The following ADGRL3 variants were observed in gnomAD, a reference collection of about 807,000 sequenced individuals.
The protein encoded by ADGRL3 is calcium-independent alpha-latrotoxin receptor 3.
ADGRL3 carries 62 observed loss-of-function variants against 153.5 expected under a neutral mutation model. The observed-to-expected ratio is 0.40, with a 90% CI of 0.33 to 0.50. ADGRL3 has a LOEUF of 0.50. Ranked by LOEUF, ADGRL3 falls within the 20% of genes least tolerant of loss-of-function variation. The pLI is 0.47. For synonymous variants in ADGRL3, 710 were observed against 672.5 expected (o/e 1.06, Z -0.86); for missense variants, 1,641 against 1,859.4 (o/e 0.88, Z 2.16).
chr4:61,449,795 C>T lies in ADGRL3; in HGVS notation c.-173-47326C>T, dbSNP rs190915916. 5.1e-3 allele frequency among the ~76,000 whole-genome samples: 769 copies of T among 152,218 alleles called. 5 individuals are homozygous for T. The highest frequency in any genetic ancestry group is 8.6e-3 in the Non-Finnish European group (583 of 68,002). On this transcript the variant is annotated intron_variant, in intron 2 of 26. Transcript: ENST00000683033. ...CAAGGACTCTAGAAATGACAGGTAA[C>T]GTGTTCATATTCACCACCTTCACTG...
chr4:61,912,395 TG>T (rs1469939650), intron 12 of ADGRL3, among the ~76,000 whole-genome samples: 1 of 152,200 alleles, frequency 6.6e-6, no homozygotes, highest in Non-Finnish European at 1.5e-5. Context: ...ACTAACCTAA[TG>T]TGAAATGAAT....
intron 4 of ADGRL3, among the ~76,000 whole-genome samples, chr4:61,560,318 G>A (rs2098789495): frequency 6.6e-6 from 1 of 152,022 alleles, no homozygotes; most frequent in African/African-American, 2.4e-5. Flanking sequence ...GGTTAATAAG[G>A]TATCTTTTAT....
At chr4:62,017,286 C>A (rs1016785268) in intron 21 of ADGRL3, among the ~76,000 whole-genome samples, 1 of 151,264 alleles carries the variant, frequency 6.6e-6, no homozygotes, top group African/African-American at 2.4e-5. Context: ...TTGAAGTTTT[C>A]CCATTAAATA....
intron 9 of ADGRL3, among the ~76,000 whole-genome samples, chr4:61,841,464 G>A (rs1212881254): frequency 1.3e-5 from 2 of 152,098 alleles, no homozygotes; most frequent in African/African-American, 2.4e-5. Flanking sequence ...TTCATCAACC[G>A]CTCATTGTAA....
intron 5 of ADGRL3, among the ~76,000 whole-genome samples, chr4:61,627,838 A>G (rs1335548610): frequency 3.3e-5 from 5 of 152,118 alleles, no homozygotes; most frequent in Non-Finnish European, 5.9e-5. Flanking sequence ...AAACTTTAAA[A>G]AAATATGAAC....
chr4:62,012,914 A>G (rs1263076876), intron 21 of ADGRL3, among the ~76,000 whole-genome samples: 1 of 152,154 alleles, frequency 6.6e-6, no homozygotes, highest in Admixed American at 6.5e-5. Flanking sequence ...CTCAAGAAGA[A>G]TATTGTTCTG....
chr4:61,383,917 G>T (rs2096704347), intron 2 of ADGRL3, among the ~76,000 whole-genome samples: 1 of 151,748 alleles, frequency 6.6e-6, no homozygotes, highest in Non-Finnish European at 1.5e-5. Flanking sequence ...AGTAATTCCT[G>T]TAAAGTTACT....
intron 17 of ADGRL3, among the ~76,000 whole-genome samples, chr4:61,955,498 A>G (rs761904970): frequency 2.3e-4 from 35 of 152,188 alleles, no homozygotes; most frequent in Admixed American, 1.6e-3. Context: ...CACAAAAACT[A>G]ATTTGAACTA....
chr4:61,490,531 A>T (rs2098246992), intron 2 of ADGRL3, among the ~76,000 whole-genome samples: 1 of 152,154 alleles, frequency 6.6e-6, no homozygotes, highest in Non-Finnish European at 1.5e-5. Flanking sequence ...ATATTAAAGA[A>T]GATGATTGAA....
intron 9 of ADGRL3, among the ~76,000 whole-genome samples, chr4:61,867,008 G>A (rs964503865): frequency 1.3e-5 from 2 of 152,056 alleles, no homozygotes; most frequent in African/African-American, 4.8e-5. Flanking sequence ...TTTGTGGGGA[G>A]CTTCTTTTAG....
intron 4 of ADGRL3, among the ~76,000 whole-genome samples, chr4:61,537,759 A>C (rs2098665789): frequency 6.6e-6 from 1 of 152,120 alleles, no homozygotes; most frequent in Non-Finnish European, 1.5e-5. Context: ...CTTCACTATC[A>C]CTATACTAAG....
chr4:61,386,240 A>G (rs1389404295), intron 2 of ADGRL3, among the ~76,000 whole-genome samples: 3 of 152,138 alleles, frequency 2.0e-5, no homozygotes, highest in Non-Finnish European at 2.9e-5. Flanking sequence ...ATGGCAGCTG[A>G]TATTTCCCCT....
intron 9 of ADGRL3, among the ~76,000 whole-genome samples, chr4:61,857,023 C>CCCTTCCTT (rs1157114077): frequency 2.6e-5 from 3 of 113,494 alleles, no homozygotes; most frequent in African/African-American, 9.3e-5. Context: ...TTTCCTTCCT[C>CCCTTCCTT]CCTTCCTTCC....
Position 62,078,218 on chromosome 4 carries a change from G to A in ADGRL3, c.*7310G>A, listed in dbSNP as rs1473843436. 1 of 151,822 alleles carries A rather than the reference G, an allele frequency of 6.6e-6. No individual in the cohort carries two copies. Among genetic ancestry groups the A allele is most frequent in the Non-Finnish European group, 1.5e-5 (1 of 67,868 alleles). 9.4% of individuals were successfully genotyped at this position (151,822 alleles called of 1,614,324 possible). ...TTCATATACACCTACCAGATTTCAAGCTATTGGATATTTCCCTTGTACAAC... is the reference window on the plus strand; with the variant it reads ...TTCATATACACCTACCAGATTTCAAACTATTGGATATTTCCCTTGTACAAC... On this transcript the variant is annotated 3_prime_UTR_variant, in exon 27 of 27. Coordinates refer to ENST00000683033, the MANE Select transcript of ADGRL3 (RefSeq NM_001387552.1).
chr4:61,254,470 A>G (rs1261378469), intron 1 of ADGRL3, among the ~76,000 whole-genome samples: 1 of 152,208 alleles, frequency 6.6e-6, no homozygotes, highest in Admixed American at 6.6e-5. Context: ...AATAAATAAG[A>G]ATGACATGAC....
intron 1 of ADGRL3, among the ~76,000 whole-genome samples, chr4:61,273,666 A>C (rs1226303842): frequency 6.6e-6 from 1 of 152,122 alleles, no homozygotes; most frequent in African/African-American, 2.4e-5. Context: ...GAATATGTGG[A>C]TGTAAGAGTG....
chr4:61,639,402 T>G (rs1461370089), intron 5 of ADGRL3, among the ~76,000 whole-genome samples: 1 of 152,068 alleles, frequency 6.6e-6, no homozygotes, highest in Non-Finnish European at 1.5e-5. Context: ...TTTGAAAAAT[T>G]TGAAAAAAAC....
At chr4:61,914,789 C>T (rs1017795366) in intron 13 of ADGRL3, among the ~76,000 whole-genome samples, 1 of 152,044 alleles carries the variant, frequency 6.6e-6, no homozygotes, top group Non-Finnish European at 1.5e-5. Context: ...TTAGAAAATT[C>T]TTGCTCAGTT....
In ADGRL3 at chr4:61,934,941, T is replaced by G; in HGVS notation, c.2214T>G (p.Leu738=). The G allele has an allele frequency of 6.2e-7, 1 of 1,613,852 alleles. No individual in the cohort carries two copies. Among genetic ancestry groups the G allele is most frequent in the East Asian group, 2.2e-5 (1 of 44,868 alleles). ...AGCTGCGTGCGGCCACCATGTTGCT[T>G]CATACTGTGGAGGAAAGTGCTTTTG... ...SDQLRAATML[L]HTVEESAFVL... The change falls in exon 14 of 27, where the codon CTT becomes CTG. Residue 738 remains leucine, a synonymous_variant. Coordinates refer to ENST00000683033, the MANE Select transcript of ADGRL3 (RefSeq NM_001387552.1).
Sources: allele counts gnomAD v4.1 joint callset (sites outside exome capture counted in the v4.1 genomes callset), GRCh38; gene constraint gnomAD v4.1.1; transcripts MANE v1.5; gene names NCBI Gene and HGNC (gene_info 2026-07-23, HGNC 2026-07-21).